The following EVC variants were observed in gnomAD, a reference collection of about 807,000 sequenced individuals.
EVC encodes the protein evC complex member EVC.
EVC carries 116 observed loss-of-function variants against 118.9 expected under a neutral mutation model. The ratio of observed to expected loss-of-function variants is 0.98; its 90% CI spans 0.84 to 1.14. The LOEUF (loss-of-function observed/expected upper bound fraction) is 1.14. Among genes scored for constraint, EVC ranks in the 50% most tolerant of loss-of-function variants. The pLI is 0.00. For synonymous variants in EVC, 619 were observed against 534.7 expected (o/e 1.16, Z -2.18); for missense variants, 1,401 against 1,246.4 (o/e 1.12, Z -1.87).
chr4:5,811,160 G>C lies in EVC; in HGVS notation c.*123G>C. The C allele has an allele frequency of 1.3e-6, 1 of 756,268 alleles. No homozygotes were observed. Among genetic ancestry groups the C allele is most frequent in the Non-Finnish European group, 2.3e-6 (1 of 434,564 alleles). 46.8% of individuals were successfully genotyped at this position (756,268 alleles called of 1,614,324 possible). On this transcript the variant is annotated 3_prime_UTR_variant, in exon 21 of 21. Transcript: ENST00000264956. ...GACAGCGGCATCTCTAGGCTCTTCT[G>C]AGAGGGACAGAGAAAGAATAGAAAT... is the stretch of plus-strand genomic sequence containing the variant.
intron 6 of EVC, 141 bp from the exon 7 acceptor site, chr4:5,745,063 C>G: frequency 1.3e-6 from 1 of 744,126 alleles, no homozygotes; most frequent in Non-Finnish European, 2.1e-6. Flanking sequence ...ACCTCATGTA[C>G]AACAACCCCC....
At chr4:5,733,269 A>G (rs1362767416) in intron 4 of EVC, 82 bp from the exon 5 acceptor site, 1 of 1,122,912 alleles carries the variant, frequency 8.9e-7, no homozygotes, top group Non-Finnish European at 1.4e-6. Flanking sequence ...TGTGGCTTGT[A>G]CTGATGAGGG....
chr4:5,760,911 T>A (rs1215187410), intron 11 of EVC, among the ~76,000 whole-genome samples: 1 of 152,184 alleles, frequency 6.6e-6, no homozygotes, highest in African/African-American at 2.4e-5. Context: ...TTCCTTAGAT[T>A]TACTTTGCCA....
rs187406722 is a variant in EVC at position 5,804,800 on chromosome 4, G to A, written c.2520G>A (p.Thr840=). ...ELSNPSSGSR[T]AGGAHETSQA... is the part of the protein sequence containing the mutation. ...GCAACCCTTCGTCGGGCAGCAGGAC[G>A]GCAGGTGGCGCTCATGAGACCTCCC... is the stretch of plus-strand genomic sequence containing the variant. The change falls in exon 17 of 21, where the codon ACG becomes ACA. Residue 840 remains threonine (T), a synonymous_variant. Transcript: ENST00000264956. 1.3e-5 allele frequency: 21 copies of A among 1,614,010 alleles called. 1 individual carries two copies. In the South Asian group the frequency reaches 1.6e-4, roughly 13 times the overall value.
chr4:5,810,907 C>A, intron 20 of EVC, 46 bp from the exon 21 acceptor site: 1 of 1,523,702 alleles, frequency 6.6e-7, no homozygotes, highest in Non-Finnish European at 9.0e-7. Flanking sequence ...TCATGATGGG[C>A]ATGGAGTCAG....
intron 5 of EVC, among the ~76,000 whole-genome samples, chr4:5,740,625 A>G (rs1728395754): frequency 6.6e-6 from 1 of 152,196 alleles, no homozygotes; most frequent in South Asian, 2.1e-4. Context: ...TGCTTTGCAA[A>G]AGACCTCTTT....
the EVC span, among the ~76,000 whole-genome samples, chr4:5,819,476 C>T: frequency 9.2e-5 from 14 of 152,230 alleles, no homozygotes; most frequent in African/African-American, 3.4e-4. Context: ...GGTCTCCTGT[C>T]CCCTGTAACT....
chr4:5,742,516 A>G lies in EVC; in HGVS notation c.801+702A>G, dbSNP rs928531801. 6.6e-6 allele frequency among the ~76,000 whole-genome samples: 1 copy of G among 152,080 alleles called. No homozygotes were observed. The highest frequency in any genetic ancestry group is 1.5e-5 in the Non-Finnish European group (1 of 68,012). Reference sequence around the variant, plus strand: ...TCTTCTTCATCATGTCATTGTTGTCATCACCATAAACACCATCATCTTTGC... The same window carrying G: ...TCTTCTTCATCATGTCATTGTTGTCGTCACCATAAACACCATCATCTTTGC... On this transcript the variant is annotated intron_variant, in intron 6 of 20. Coordinates refer to ENST00000264956, the MANE Select transcript of EVC (RefSeq NM_153717.3). This position sits in a 1 kb window ranked among gnomAD's most constrained non-coding sequence, Gnocchi z 5.2.
chr4:5,715,025 G>C (rs895107763), intron 1 of EVC, among the ~76,000 whole-genome samples: 4 of 151,522 alleles, frequency 2.6e-5, no homozygotes, highest in Non-Finnish European at 5.9e-5. Context: ...TGTTGCCCAG[G>C]CTGGTCTCAA....
intron 11 of EVC, among the ~76,000 whole-genome samples, chr4:5,780,476 TTATAA>T (rs1408128099): frequency 3.9e-5 from 6 of 152,056 alleles, no homozygotes; most frequent in East Asian, 1.9e-4. Flanking sequence ...ATGATAATAA[TTATAA>T]TAGAATGCCT....
chr4:5,778,701 T>C lies in EVC; in HGVS notation c.1564-4851T>C, dbSNP rs1165858230. Among the ~76,000 whole-genome samples, 6 of 152,316 alleles carry C rather than the reference T, an allele frequency of 3.9e-5. No homozygotes were observed. The South Asian group carries it at 8.3e-4, about 21-fold the overall frequency. On this transcript the variant is annotated intron_variant, in intron 11 of 20. Coordinates refer to ENST00000264956, the MANE Select transcript of EVC (RefSeq NM_153717.3). ...TTGATGGGGTTGTTTGTTTTTTTCTTGTAAATGTGTTTGAGTTCATTGTAG... is the reference window on the plus strand; with the variant it reads ...TTGATGGGGTTGTTTGTTTTTTTCTCGTAAATGTGTTTGAGTTCATTGTAG...
At chr4:5,828,167 G>C in the EVC span, 2 of 985,364 alleles carry the variant, frequency 2.0e-6, no homozygotes, top group Admixed American at 6.1e-5. Context: ...ACCTCCCGTG[G>C]GTGGGCAGGA....
intron 11 of EVC, among the ~76,000 whole-genome samples, chr4:5,757,053 G>C (rs1342951431): frequency 6.6e-6 from 1 of 152,232 alleles, no homozygotes; most frequent in Non-Finnish European, 1.5e-5. Context: ...CTTCCTCACT[G>C]CGTGACCACA....
chr4:5,787,287 G>A (rs1473904557), intron 12 of EVC, among the ~76,000 whole-genome samples: 1 of 152,242 alleles, frequency 6.6e-6, no homozygotes, highest in African/African-American at 2.4e-5. Context: ...CCGTGAATAT[G>A]TCTGGTTACA....
At chr4:5,767,607 C>T (rs1471379752) in intron 11 of EVC, among the ~76,000 whole-genome samples, 1 of 151,678 alleles carries the variant, frequency 6.6e-6, no homozygotes, top group Non-Finnish European at 1.5e-5. Flanking sequence ...TCCTGGTGAG[C>T]CGTTTTTTAA....
chr4:5,794,351 A>ATT (rs1414547392), intron 13 of EVC, among the ~76,000 whole-genome samples: 2 of 142,666 alleles, frequency 1.4e-5, no homozygotes, highest in Non-Finnish European at 3.0e-5. Context: ...ACTTATATAT[A>ATT]TATTTATGTA....
At chr4:5,784,270 G>A (rs1490697165) in intron 12 of EVC, among the ~76,000 whole-genome samples, 5 of 152,150 alleles carry the variant, frequency 3.3e-5, no homozygotes. Flanking sequence ...GGTTATCCTG[G>A]TGAGCCCAGC....
intron 12 of EVC, among the ~76,000 whole-genome samples, chr4:5,786,960 C>G (rs114637053): frequency 5.9e-4 from 90 of 152,136 alleles, no homozygotes; most frequent in African/African-American, 1.7e-3. Context: ...AATGAGCTCT[C>G]TGTCATTCAG....
At chr4:5,828,253 G>C in the EVC span, 1 of 985,268 alleles carries the variant, frequency 1.0e-6, no homozygotes, top group Non-Finnish European at 1.2e-6. Flanking sequence ...ACCCTCACGG[G>C]TGCACACCCC....
Sources: gnomAD v4.1 joint callset for allele counts (sites outside exome capture counted in the v4.1 genomes callset) on GRCh38, gnomAD v4.1.1 for gene constraint, Gnocchi (gnomAD v3.1) non-coding constraint, MANE v1.5 for transcripts, NCBI Gene and HGNC (gene_info 2026-07-23, HGNC 2026-07-21) for gene names.